UPF2: variants seen among roughly 807,000 people sequenced by gnomAD.
UPF2 encodes the protein regulator of nonsense transcripts 2.
Under a neutral mutation model 141.4 loss-of-function variants are expected in UPF2, and 17 were observed. That is an observed-to-expected ratio of 0.12 (90% confidence interval 0.08 to 0.18). UPF2 has a LOEUF of 0.18. Ranked by LOEUF, UPF2 falls within the 10% of genes least tolerant of loss-of-function variation. The pLI is 1.00. For synonymous variants in UPF2, 540 were observed against 498.0 expected (o/e 1.08, Z -1.12); for missense variants, 1,152 against 1,515.9 (o/e 0.76, Z 3.99).
rs1174130424 is a variant in UPF2, at chr10:11,980,636, G to A, written c.1845-1471C>T. 6.6e-6 allele frequency among the ~76,000 whole-genome samples: 1 copy of A among 152,168 alleles called. No homozygotes were observed. The highest frequency in any genetic ancestry group is 6.5e-5 in the Admixed American group (1 of 15,278). Reference sequence around the variant, plus strand: ...CAATCCCAGCTACTCGGGAGACTGAGGCAGGAGAATCACTTGAACCCAGGA... The same window carrying A: ...CAATCCCAGCTACTCGGGAGACTGAAGCAGGAGAATCACTTGAACCCAGGA... On this transcript the variant is annotated intron_variant, in intron 8 of 21. Transcript: ENST00000357604. This position sits in a 1 kb window ranked among gnomAD's most constrained non-coding sequence, Gnocchi z 4.2.
At position 11,956,225 on chromosome 10, in the gene UPF2, T is replaced by A. The variant is rs999985111; in HGVS notation, c.2574+95A>T. On this transcript the variant is annotated intron_variant, in intron 13 of 21. Transcript: ENST00000357604. The surrounding 1 kb of genome is among the most constrained non-coding windows in gnomAD (Gnocchi z 4.2). ...ATCAGCTTTTTCTAACTAATAAATT[T>A]ACAGATTCCTATAACTTGAGTCTCA... 63 of 1,128,130 alleles carry A rather than the reference T, an allele frequency of 5.6e-5. No individual in the cohort carries two copies. The highest frequency in any genetic ancestry group is 4.2e-4 in the Middle Eastern group (2 of 4,738). 69.9% of individuals were successfully genotyped at this position (1,128,130 alleles called of 1,614,324 possible). A position where few individuals can be genotyped will look rare whatever the true frequency, so the allele number is the denominator to read the frequency against.
chr10:12,022,857 G>A (rs1834342229), intron 3 of UPF2, among the ~76,000 whole-genome samples: 1 of 152,036 alleles, frequency 6.6e-6, no homozygotes, highest in African/African-American at 2.4e-5. Context: ...AGAAACCTCT[G>A]ACTTTTTTTT....
intron 8 of UPF2, among the ~76,000 whole-genome samples, chr10:11,986,625 A>T (rs1012490719): frequency 6.6e-6 from 1 of 152,250 alleles, no homozygotes; most frequent in African/African-American, 2.4e-5. Context: ...GTTACGGTGC[A>T]ATTAAAGAAT....
chr10:11,993,772 A>G (rs73573529), intron 8 of UPF2, among the ~76,000 whole-genome samples: 331 of 152,262 alleles, frequency 2.2e-3, no homozygotes, highest in African/African-American at 7.6e-3. Flanking sequence ...CCAGGAGTTC[A>G]AGACTAGCCT....
intron 2 of UPF2, among the ~76,000 whole-genome samples, chr10:12,032,993 T>C (rs1834554359): frequency 1.3e-5 from 2 of 151,930 alleles, no homozygotes; most frequent in Non-Finnish European, 2.9e-5. Context: ...ACAACAGCAA[T>C]GCCACCATCA....
chr10:11,949,849 AG>A (rs1776264797), intron 15 of UPF2, among the ~76,000 whole-genome samples: 1 of 152,234 alleles, frequency 6.6e-6, no homozygotes, highest in Non-Finnish European at 1.5e-5. Flanking sequence ...AGAAAATCAC[AG>A]GTACACTAAA....
At chr10:12,002,749 T>G (rs1226061970) in intron 5 of UPF2, among the ~76,000 whole-genome samples, 1 of 152,130 alleles carries the variant, frequency 6.6e-6, no homozygotes, top group Non-Finnish European at 1.5e-5. Context: ...AACCAAACCT[T>G]AGCTAAATAA....
In UPF2 at chr10:11,980,245, A is replaced by C. The variant is rs920353255; in HGVS notation, c.1845-1080T>G. On this transcript the variant is annotated intron_variant, in intron 8 of 21. Transcript: ENST00000357604. The surrounding 1 kb of genome is among the most constrained non-coding windows in gnomAD (Gnocchi z 4.2). Reference sequence around the variant, plus strand: ...CATAGATGTTATTTTGTAAAACCTGATTAATCAATGATTCAACACTCAGCA... The same window carrying C: ...CATAGATGTTATTTTGTAAAACCTGCTTAATCAATGATTCAACACTCAGCA... Among the ~76,000 whole-genome samples, 2 of 152,218 alleles carry C rather than the reference A, an allele frequency of 1.3e-5. No individual in the cohort carries two copies. The highest frequency in any genetic ancestry group is 4.8e-5 in the African/African-American group (2 of 41,454).
intron 8 of UPF2, among the ~76,000 whole-genome samples, chr10:11,993,997 A>G (rs1198911035): frequency 6.6e-6 from 1 of 152,176 alleles, no homozygotes; most frequent in Non-Finnish European, 1.5e-5. Context: ...TCTAAAAAAA[A>G]AGAACCAAGA....
chr10:12,011,727 C>T (rs531554903), intron 4 of UPF2, among the ~76,000 whole-genome samples: 7 of 151,388 alleles, frequency 4.6e-5, no homozygotes, highest in African/African-American at 1.7e-4. Context: ...GGACAGATCA[C>T]CTGAGGTTGG....
At chr10:11,948,250 A>C in intron 16 of UPF2, 119 bp downstream of exon 16, 3 of 385,012 alleles carry the variant, frequency 7.8e-6, no homozygotes, top group East Asian at 1.1e-4. Flanking sequence ...TCTGTCTCAA[A>C]AAAAAAAAAA....
intron 15 of UPF2, 66 bp downstream of exon 15, chr10:11,952,000 A>T: frequency 6.6e-7 from 1 of 1,523,192 alleles, no homozygotes; most frequent in Non-Finnish European, 9.1e-7. Context: ...GTAACATTAT[A>T]AAGCAAATTC....
At position 12,029,301 on chromosome 10, in the gene UPF2, T is replaced by G; in HGVS notation, c.589A>C (p.Asn197His). 6.2e-7 allele frequency: 1 copy of G among 1,614,186 alleles called. No homozygotes were observed. Among genetic ancestry groups the G allele is most frequent in the Non-Finnish European group, 8.5e-7 (1 of 1,180,044 alleles). ...GCTTCTGCAATGTATTTGCTTAAAT[T>G]TAGGCCATTAAAATCATGGGACAAG... The part of the protein sequence containing the change: ...DSLSHDFNGL[N>H]LSKYIAEAVA... The change falls in exon 3 of 22, where the codon AAT becomes CAT. Residue 197 changes from asparagine (N) to histidine (H), a missense_variant. Around this residue, in one of 4 missense-constraint regions of UPF2, gnomAD observed 739 missense variants for 1,032.2 expected, o/e 0.72. Transcript: ENST00000357604.
At chr10:12,012,125 C>A (rs1209021952) in intron 4 of UPF2, among the ~76,000 whole-genome samples, 2 of 149,660 alleles carry the variant, frequency 1.3e-5, no homozygotes, top group Non-Finnish European at 3.0e-5. Flanking sequence ...TGCAATGGCG[C>A]GAGCCTGGCT....
intron 9 of UPF2, among the ~76,000 whole-genome samples, chr10:11,977,292 T>C (rs1327977862): frequency 6.6e-6 from 1 of 152,182 alleles, no homozygotes; most frequent in Non-Finnish European, 1.5e-5. Flanking sequence ...TTCTGCCTAA[T>C]AGAAAATTGT....
Position 12,029,343 on chromosome 10 carries a change from C to G in UPF2, c.547G>C (p.Glu183Gln). 1 of 1,614,126 alleles carries G rather than the reference C, an allele frequency of 6.2e-7. No individual in the cohort carries two copies. The highest frequency in any genetic ancestry group is 1.1e-5 in the South Asian group (1 of 91,058). Reference sequence around the variant, plus strand: ...TGGGACAAGGAGTCTCTCTGTTGTTCTGTAATAGTTTTTAGTTTCTTGACA... The same window carrying G: ...TGGGACAAGGAGTCTCTCTGTTGTTGTGTAATAGTTTTTAGTTTCTTGACA... ...AFVKKLKTIT[E>Q]QQRDSLSHDF... Residue 183 changes from glutamate (E) to glutamine (Q), a missense_variant, in exon 3 of 22, where the codon GAA becomes CAA. Physicochemically the swap from Glu to Gln is conservative, Grantham distance 29. Around this residue, in one of 4 missense-constraint regions of UPF2, gnomAD observed 739 missense variants for 1,032.2 expected, o/e 0.72. Coordinates refer to ENST00000357604, the MANE Select transcript of UPF2 (RefSeq NM_015542.4).
intron 15 of UPF2, among the ~76,000 whole-genome samples, chr10:11,948,856 A>G (rs1401494119): frequency 6.6e-6 from 1 of 152,158 alleles, no homozygotes; most frequent in Non-Finnish European, 1.5e-5. Flanking sequence ...TCTCAGCCAT[A>G]TGTAAGATAC....
intron 7 of UPF2, among the ~76,000 whole-genome samples, chr10:11,999,147 A>G (rs1833912257): frequency 6.6e-6 from 1 of 152,088 alleles, no homozygotes; most frequent in South Asian, 2.1e-4. Flanking sequence ...TGGTACCACT[A>G]CCTTGAATCA....
At chr10:11,964,824 G>C (rs901023113) in intron 10 of UPF2, among the ~76,000 whole-genome samples, 2 of 152,200 alleles carry the variant, frequency 1.3e-5, no homozygotes, top group East Asian at 3.9e-4. Flanking sequence ...AAATGTTTCG[G>C]ATTTCCAATT....
Sources: gnomAD v4.1 joint callset for allele counts (sites outside exome capture counted in the v4.1 genomes callset) on GRCh38, gnomAD v4.1.1 for gene constraint, gnomAD v4.1.1 regional missense constraint, Gnocchi (gnomAD v3.1) non-coding constraint, MANE v1.5 for transcripts, NCBI Gene and HGNC (gene_info 2026-07-23, HGNC 2026-07-21) for gene names.